Variants in NEDD4L observed in about 807,000 individuals in gnomAD.
The protein encoded by NEDD4L is NEDD4 like E3 ubiquitin protein ligase.
NEDD4L carries 54 observed loss-of-function variants against 148.9 expected under a neutral mutation model. That is an observed-to-expected ratio of 0.36 (90% CI 0.29 to 0.45). NEDD4L has a LOEUF of 0.45. NEDD4L is among the 20% of genes least tolerant of loss of function. The pLI, the probability that NEDD4L is intolerant of heterozygous loss-of-function variation, is 1.00. For synonymous variants in NEDD4L, 433 were observed against 440.7 expected, an observed-to-expected ratio of 0.98 and a Z score of 0.22; for missense variants, 856 against 1,233.8, an observed-to-expected ratio of 0.69 and a Z score of 4.59.
intron 5 of NEDD4L, among the ~76,000 whole-genome samples, chr18:58,254,261 T>C (rs553787376): frequency 6.6e-6 from 1 of 152,302 alleles, no homozygotes; most frequent in African/African-American, 2.4e-5. Flanking sequence ...CTTGGTATTT[T>C]CCCCTCCTAT....
At chr18:58,210,002 C>T (rs2147686603) in intron 2 of NEDD4L, among the ~76,000 whole-genome samples, 1 of 151,952 alleles carries the variant, frequency 6.6e-6, no homozygotes, top group Middle Eastern at 3.4e-3. Flanking sequence ...CCCATCCATA[C>T]TAAAAAAATA....
intron 5 of NEDD4L, among the ~76,000 whole-genome samples, chr18:58,294,618 T>TG (rs397820944): frequency 1.3e-5 from 2 of 152,046 alleles, no homozygotes; most frequent in African/African-American, 4.8e-5. Context: ...GATTTTTTTT[T>TG]GCCTTTTATT....
At chr18:58,388,988 C>T in intron 27 of NEDD4L, 97 bp from the exon 28 acceptor site, 1 of 937,974 alleles carries the variant, frequency 1.1e-6, no homozygotes, top group East Asian at 2.6e-5. Flanking sequence ...CTTCGCGGCA[C>T]AGTGACCACA....
chr18:58,185,042 A>T (rs903968895), intron 2 of NEDD4L, among the ~76,000 whole-genome samples: 5 of 152,220 alleles, frequency 3.3e-5, no homozygotes, highest in African/African-American at 9.6e-5. Context: ...TTACAGTTTC[A>T]TCAGCACCAG....
rs995336101 is a variant in NEDD4L at position 58,256,599 on chromosome 18, C to T, written c.297+4545C>T. 13 of 1,232,112 alleles carry T rather than the reference C, an allele frequency of 1.1e-5. No individual in the cohort carries two copies. The highest frequency in any genetic ancestry group is 1.3e-5 in the Non-Finnish European group (13 of 988,050). 76.3% of individuals were successfully genotyped at this position (1,232,112 alleles called of 1,614,324 possible). On this transcript the variant is annotated intron_variant, in intron 5 of 30. Transcript: ENST00000400345. This position sits in a 1 kb window ranked among gnomAD's most constrained non-coding sequence, Gnocchi z 5.2. ...AGGATGGCTCCTGAAATCCGCAGGACGAACTCCGCGGAGAGGACTCCGCAG... is the reference window on the plus strand; with the variant it reads ...AGGATGGCTCCTGAAATCCGCAGGATGAACTCCGCGGAGAGGACTCCGCAG...
Position 58,396,194 on chromosome 18 carries a change from T to G in NEDD4L, c.2853T>G (p.Tyr951Ter). Residue 951 changes from tyrosine (Y) to a stop codon, truncating the protein, a stop_gained, in exon 31 of 31, where the codon TAT becomes TAG. Coordinates refer to ENST00000400345, the MANE Select transcript of NEDD4L (RefSeq NM_001144967.3). LOFTEE classifies it high-confidence loss of function. Reference sequence around the variant, plus strand: ...TTAATCGCCTTGACTTACCTCCATATGAAACCTTTGAAGATTTACGAGAGA... The same window carrying G: ...TTAATCGCCTTGACTTACCTCCATAGGAAACCTTTGAAGATTTACGAGAGA... ...TCFNRLDLPP[Y>*]ETFEDLREKL... is the part of the protein sequence containing the mutation. The G allele has an allele frequency of 6.2e-7, 1 of 1,613,606 alleles. No homozygotes were observed. The highest frequency in any genetic ancestry group is 8.5e-7 in the Non-Finnish European group (1 of 1,179,654).
chr18:58,241,503 G>A (rs2046629701), intron 2 of NEDD4L, among the ~76,000 whole-genome samples: 1 of 152,102 alleles, frequency 6.6e-6, no homozygotes, highest in South Asian at 2.1e-4. Flanking sequence ...ATCTGGCAGT[G>A]GTATCTGGAT....
chr18:58,063,138 G>C (rs12456838), intron 1 of NEDD4L, among the ~76,000 whole-genome samples: 120,085 of 147,686 alleles, frequency 0.81, 49,152 homozygotes, highest in East Asian at 1. Flanking sequence ...CTTGACCTCC[G>C]AAGTCCACAC....
chr18:58,245,846 A>ATTTTTT (rs58940181), intron 3 of NEDD4L, among the ~76,000 whole-genome samples: 19 of 91,506 alleles, frequency 2.1e-4, no homozygotes, highest in Admixed American at 2.7e-4. Context: ...ATGCCTGGCT[A>ATTTTTT]TTTTTTTTTT....
intron 5 of NEDD4L, among the ~76,000 whole-genome samples, chr18:58,311,851 C>T (rs2149367740): frequency 6.6e-6 from 1 of 152,324 alleles, no homozygotes; most frequent in Admixed American, 6.5e-5. Context: ...TGGGGAAATG[C>T]CCATAGGCTA....
intron 5 of NEDD4L, among the ~76,000 whole-genome samples, chr18:58,277,795 GT>G (rs1276663456): frequency 6.6e-6 from 1 of 151,974 alleles, no homozygotes; most frequent in Non-Finnish European, 1.5e-5. Flanking sequence ...TGTTTATGCT[GT>G]TTTTTTAAAA....
At chr18:58,374,128 A>AG (rs1274241350) in intron 24 of NEDD4L, among the ~76,000 whole-genome samples, 3 of 152,222 alleles carry the variant, frequency 2.0e-5, no homozygotes. Context: ...CTTTATTGCT[A>AG]GATGTCAAAG....
rs2146339745 is a variant in NEDD4L, at chr18:58,373,275, T to C, written c.2352+6T>C. The C allele has an allele frequency of 2.0e-6, 3 of 1,531,664 alleles. No homozygotes were observed. The highest frequency in any genetic ancestry group is 2.7e-6 in the Non-Finnish European group (3 of 1,119,902). 94.9% of individuals were successfully genotyped at this position (1,531,664 alleles called of 1,614,324 possible). The stretch of plus-strand genomic sequence containing the variant: ...ACGAAGAAAACTTTGGACAGGTACA[T>C]GTGGGTAACCCTGGGAACTCTTCTT... On this transcript the variant is annotated splice_donor_region_variant and intron_variant, in intron 24 of 30. Coordinates refer to ENST00000400345, the MANE Select transcript of NEDD4L (RefSeq NM_001144967.3).
chr18:58,152,369 G>A (rs1443518607), intron 1 of NEDD4L, among the ~76,000 whole-genome samples: 1 of 152,144 alleles, frequency 6.6e-6, no homozygotes, highest in African/African-American at 2.4e-5. Context: ...TTGCAAGCTG[G>A]GGAGGAAAGG....
intron 17 of NEDD4L, among the ~76,000 whole-genome samples, chr18:58,350,194 A>C (rs1269249215): frequency 6.6e-6 from 1 of 152,180 alleles, no homozygotes; most frequent in African/African-American, 2.4e-5. Context: ...GTGACAGGGC[A>C]GTGGTTGGAC....
chr18:58,298,694 G>A (rs1011906260), intron 5 of NEDD4L, among the ~76,000 whole-genome samples: 1 of 152,100 alleles, frequency 6.6e-6, no homozygotes, highest in African/African-American at 2.4e-5. Flanking sequence ...AGTAATCACT[G>A]TTCCCTCTGG....
intron 30 of NEDD4L, among the ~76,000 whole-genome samples, chr18:58,393,315 A>G (rs1249164166): frequency 3.3e-5 from 5 of 152,174 alleles, no homozygotes; most frequent in African/African-American, 1.2e-4. Flanking sequence ...CCTTAAAGAA[A>G]TCACTGATGC....
At chr18:58,210,483 T>A (rs2042491799) in intron 2 of NEDD4L, among the ~76,000 whole-genome samples, 1 of 152,186 alleles carries the variant, frequency 6.6e-6, no homozygotes, top group Non-Finnish European at 1.5e-5. Flanking sequence ...AGTTTCGCTC[T>A]TGTTGCCCAG....
intron 1 of NEDD4L, among the ~76,000 whole-genome samples, chr18:58,141,553 A>G (rs992991070): frequency 2.0e-5 from 3 of 152,030 alleles, no homozygotes; most frequent in African/African-American, 4.8e-5. Context: ...TCCTACTCCT[A>G]TTCTGAAAGC....
Sources: allele counts gnomAD v4.1 joint callset (sites outside exome capture counted in the v4.1 genomes callset), GRCh38; gene constraint gnomAD v4.1.1; non-coding constraint Gnocchi (gnomAD v3.1); transcripts MANE v1.5; gene names NCBI Gene and HGNC (gene_info 2026-07-23, HGNC 2026-07-21).